Variants in LRRC72 observed in about 807,000 individuals in gnomAD.
The protein encoded by LRRC72 is leucine-rich repeat-containing protein 72.
LRRC72 carries 41 observed loss-of-function variants against 35.8 expected under a neutral mutation model. The ratio of observed to expected loss-of-function variants is 1.15; its 90% CI spans 0.89 to 1.49. LRRC72 has a LOEUF of 1.49. Among genes scored for constraint, LRRC72 ranks in the 40% most tolerant of loss-of-function variants. The pLI is 0.00. For missense variants in LRRC72, 389 were observed against 330.7 expected (o/e 1.18, Z -1.37); for synonymous variants, 118 against 119.2 (o/e 0.99, Z 0.07).
At chr7:16,577,779 T>C (rs1783067890) in intron 7 of LRRC72, among the ~76,000 whole-genome samples, 1 of 151,830 alleles carries the variant, frequency 6.6e-6, no homozygotes, top group African/African-American at 2.4e-5. Flanking sequence ...AAGAAAGAAA[T>C]GTAAATAATG....
Position 16,558,974 on chromosome 7 carries a change from G to T in LRRC72, c.402G>T (p.Lys134Asn). 1 of 1,535,984 alleles carries T rather than the reference G, an allele frequency of 6.5e-7. No homozygotes were observed. The highest frequency in any genetic ancestry group is 8.8e-7 in the Non-Finnish European group (1 of 1,137,686). Residue 134 changes from lysine to asparagine, a missense_variant, in exon 5 of 9, where the codon AAG becomes AAT. Lys to Asn is a moderately conservative substitution (Grantham distance 94). Coordinates refer to ENST00000401542, the MANE Select transcript of LRRC72 (RefSeq NM_001195280.2). ...TNIDATVKELKGMLNLKILSL... is the reference protein window; with the variant it reads ...TNIDATVKELNGMLNLKILSL... ...TTGATGCAACAGTGAAGGAATTAAA[G>T]GGAATGCTAAATCTGAAGATCCTAA...
chr7:16,537,988 T>C (rs193173611), intron 3 of LRRC72, among the ~76,000 whole-genome samples: 1 of 152,348 alleles, frequency 6.6e-6, no homozygotes, highest in Admixed American at 6.5e-5. Context: ...CTATTCCTAC[T>C]TGGGCTCCTG....
chr7:16,563,632 G>A (rs1366945049), intron 5 of LRRC72, among the ~76,000 whole-genome samples: 1 of 152,154 alleles, frequency 6.6e-6, no homozygotes, highest in African/African-American at 2.4e-5. Context: ...AATTTATGTT[G>A]ATTTTAGCAG....
At chr7:16,535,524 T>C (rs1012170840) in intron 2 of LRRC72, among the ~76,000 whole-genome samples, 1 of 152,290 alleles carries the variant, frequency 6.6e-6, no homozygotes, top group Middle Eastern at 3.4e-3. Flanking sequence ...GGATCATCAA[T>C]TGAAGCTAAA....
At chr7:16,528,266 C>T (rs1430205784) in intron 1 of LRRC72, among the ~76,000 whole-genome samples, 4 of 152,112 alleles carry the variant, frequency 2.6e-5, no homozygotes, top group Admixed American at 1.3e-4. Flanking sequence ...GACACTTCAT[C>T]GTGATCTTCC....
intron 7 of LRRC72, 86 bp from the exon 8 acceptor site, chr7:16,579,988 C>G: frequency 3.4e-6 from 1 of 291,460 alleles, no homozygotes; most frequent in Non-Finnish European, 7.2e-6. Flanking sequence ...CTGCTTTATA[C>G]TTTTCCTTTA....
Position 16,577,034 on chromosome 7 carries a change from A to C in LRRC72, c.671-3040A>C, listed in dbSNP as rs533031854. 2.6e-5 allele frequency among the ~76,000 whole-genome samples: 4 copies of C among 152,352 alleles called. No individual in the cohort carries two copies. The South Asian group carries it at 8.3e-4, about 32-fold the overall frequency. On this transcript the variant is annotated intron_variant, in intron 7 of 8. Transcript: ENST00000401542. The stretch of plus-strand genomic sequence containing the variant: ...AGCTGGGAGATCAACGGCTCAGGAA[A>C]TCAAGTCTTGAAGACATTTCTGACT...
intron 5 of LRRC72, among the ~76,000 whole-genome samples, chr7:16,564,056 G>C (rs1483572373): frequency 6.6e-6 from 1 of 152,194 alleles, no homozygotes; most frequent in Non-Finnish European, 1.5e-5. Context: ...AAATGAAATG[G>C]ATAGTAATGT....
intron 3 of LRRC72, among the ~76,000 whole-genome samples, chr7:16,546,097 G>T (rs1379816818): frequency 1.3e-5 from 2 of 152,012 alleles, no homozygotes; most frequent in Admixed American, 1.3e-4. Context: ...ATATTGAAAT[G>T]TTTCTTTTTT....
chr7:16,552,391 G>A (rs904548773), intron 3 of LRRC72, among the ~76,000 whole-genome samples: 2 of 101,470 alleles, frequency 2.0e-5, no homozygotes, highest in African/African-American at 6.9e-5. Context: ...TCCAGAGCAC[G>A]TGAAAGGAAA....
intron 3 of LRRC72, among the ~76,000 whole-genome samples, chr7:16,554,159 A>G (rs1782608107): frequency 6.6e-6 from 1 of 152,094 alleles, no homozygotes; most frequent in Non-Finnish European, 1.5e-5. Flanking sequence ...GGAAACCCCC[A>G]TCTCTACTAA....
intron 2 of LRRC72, among the ~76,000 whole-genome samples, chr7:16,534,655 A>T (rs1417930532): frequency 6.6e-6 from 1 of 152,060 alleles, no homozygotes; most frequent in Non-Finnish European, 1.5e-5. Flanking sequence ...AAAATAAAAT[A>T]AAATAATAAA....
chr7:16,536,110 T>C (rs548090162), intron 2 of LRRC72, among the ~76,000 whole-genome samples: 1 of 152,236 alleles, frequency 6.6e-6, no homozygotes, highest in South Asian at 2.1e-4. Flanking sequence ...TGACCTTAGG[T>C]GATCCATCCA....
chr7:16,570,199 A>T (rs1046166697), intron 7 of LRRC72, among the ~76,000 whole-genome samples: 1 of 152,200 alleles, frequency 6.6e-6, no homozygotes, highest in African/African-American at 2.4e-5. Context: ...ATGTATAGTG[A>T]TAAACTTGGT....
intron 3 of LRRC72, among the ~76,000 whole-genome samples, chr7:16,554,497 A>G (rs972540588): frequency 6.6e-6 from 1 of 152,158 alleles, no homozygotes; most frequent in Non-Finnish European, 1.5e-5. Flanking sequence ...CTTCTCCTGC[A>G]ACCTTTACTC....
chr7:16,531,887 A>C (rs73297254), intron 1 of LRRC72, among the ~76,000 whole-genome samples: 1,549 of 152,336 alleles, frequency 0.01, 21 homozygotes, highest in African/African-American at 0.034. Context: ...TTCTCACAGC[A>C]TGAGTATGTT....
intron 5 of LRRC72, among the ~76,000 whole-genome samples, chr7:16,565,749 G>A (rs971434578): frequency 6.6e-6 from 1 of 152,166 alleles, no homozygotes; most frequent in Admixed American, 6.5e-5. Flanking sequence ...GCCAGAGGTA[G>A]ACAAGATGCA....
At chr7:16,579,592 G>C (rs1296614188) in intron 7 of LRRC72, among the ~76,000 whole-genome samples, 2 of 152,090 alleles carry the variant, frequency 1.3e-5, no homozygotes, top group Non-Finnish European at 2.9e-5. Context: ...AGATTCTTGT[G>C]ATCTAGTATT....
At chr7:16,576,009 C>G (rs1783034429) in intron 7 of LRRC72, among the ~76,000 whole-genome samples, 1 of 152,120 alleles carries the variant, frequency 6.6e-6, no homozygotes. Flanking sequence ...AAAACAAAAT[C>G]AGGAGCAGAA....
Sources: allele counts gnomAD v4.1 joint callset (sites outside exome capture counted in the v4.1 genomes callset), GRCh38; gene constraint gnomAD v4.1.1; transcripts MANE v1.5; gene names NCBI Gene and HGNC (gene_info 2026-07-23, HGNC 2026-07-21).